The following TMEM74 variants were observed in gnomAD, a reference collection of about 807,000 sequenced individuals.
TMEM74 encodes transmembrane protein 74.
Under a neutral mutation model 18.1 loss-of-function variants are expected in TMEM74, and 13 were observed. That is an observed-to-expected ratio of 0.72 (90% CI 0.47 to 1.14). The LOEUF (loss-of-function observed/expected upper bound fraction) is 1.14. TMEM74 is among the 50% of genes most tolerant of loss of function. The pLI, the probability that TMEM74 is intolerant of heterozygous loss-of-function variation, is 0.00. For missense variants in TMEM74, 372 were observed against 375.9 expected (o/e 0.99, Z 0.09); for synonymous variants, 159 against 146.6 (o/e 1.08, Z -0.61).
intron 1 of TMEM74, among the ~76,000 whole-genome samples, chr8:108,693,238 GGACATTCACATCA>G (rs761756869): frequency 2.0e-4 from 30 of 151,846 alleles, no homozygotes; most frequent in Non-Finnish European, 4.0e-4. Flanking sequence ...TGTAAGACAA[GGACATTCACATCA>G]GATCTTTGGA....
chr8:108,684,221 C>T (rs1813145775), intron 1 of TMEM74, among the ~76,000 whole-genome samples: 3 of 152,076 alleles, frequency 2.0e-5, no homozygotes, highest in African/African-American at 7.2e-5. Flanking sequence ...TTCCCACCAA[C>T]AGTGTAGAGG....
intron 2 of TMEM74, among the ~76,000 whole-genome samples, chr8:108,610,956 C>A (rs1812328259): frequency 6.6e-6 from 1 of 152,136 alleles, no homozygotes; most frequent in South Asian, 2.1e-4. Flanking sequence ...TACATTTGTG[C>A]TGGGGAAATT....
At chr8:108,785,387 G>GCACCTTTCT (rs1814372600) in intron 1 of TMEM74, among the ~76,000 whole-genome samples, 2 of 152,162 alleles carry the variant, frequency 1.3e-5, no homozygotes, top group African/African-American at 4.8e-5. Flanking sequence ...GGAGGAAGTG[G>GCACCTTTCT]CAGTGTCTAC....
At chr8:108,663,333 A>G (rs972974237) in intron 1 of TMEM74, among the ~76,000 whole-genome samples, 3 of 152,198 alleles carry the variant, frequency 2.0e-5, no homozygotes, top group Non-Finnish European at 4.4e-5. Context: ...AAAAGAAGAC[A>G]TTCATGCGGT....
chr8:108,771,284 C>G (rs1814168068), intron 1 of TMEM74, among the ~76,000 whole-genome samples: 1 of 152,148 alleles, frequency 6.6e-6, no homozygotes, highest in Admixed American at 6.6e-5. Context: ...GGTAACAAAA[C>G]TACCTACCTC....
At chr8:108,768,651 T>C (rs1814136936) in intron 1 of TMEM74, among the ~76,000 whole-genome samples, 1 of 152,128 alleles carries the variant, frequency 6.6e-6, no homozygotes, top group Admixed American at 6.6e-5. Flanking sequence ...ATTCCCACCT[T>C]CCTCTGGTAG....
At chr8:108,692,470 C>G (rs1304951105) in intron 1 of TMEM74, among the ~76,000 whole-genome samples, 1 of 152,178 alleles carries the variant, frequency 6.6e-6, no homozygotes, top group Non-Finnish European at 1.5e-5. Context: ...TGGCATTCCT[C>G]TCTTCTTATT....
At chr8:108,707,380 A>T (rs1345315366) in intron 1 of TMEM74, among the ~76,000 whole-genome samples, 1 of 152,132 alleles carries the variant, frequency 6.6e-6, no homozygotes, top group African/African-American at 2.4e-5. Context: ...AATCTTCCAA[A>T]TTACTTGGAT....
chr8:108,781,303 A>G lies in TMEM74; in HGVS notation c.*2878T>C, dbSNP rs1814303946. On this transcript the variant is annotated 3_prime_UTR_variant, in exon 2 of 2. Transcript: ENST00000297459. Reference sequence around the variant, plus strand: ...AGGATGCAAGACCAAAACTATAGGTATTGTATGCCCAATGTCTATAGAATG... The same window carrying G: ...AGGATGCAAGACCAAAACTATAGGTGTTGTATGCCCAATGTCTATAGAATG... Among the ~76,000 whole-genome samples, 1 of 152,222 alleles carries G rather than the reference A, an allele frequency of 6.6e-6. No homozygotes were observed. The highest frequency in any genetic ancestry group is 2.1e-4 in the South Asian group (1 of 4,832).
At position 108,708,077 on chromosome 8, in the gene TMEM74, C is replaced by T. The variant is rs531565517; in HGVS notation, n.120-52640G>A. 5.9e-5 allele frequency among the ~76,000 whole-genome samples: 9 copies of T among 152,220 alleles called. No individual in the cohort carries two copies. In the East Asian group the frequency reaches 1.5e-3, roughly 26 times the overall value. On this transcript the variant is annotated intron_variant and non_coding_transcript_variant, in intron 1 of 3. Coordinates refer to the TMEM74 transcript ENST00000518838. ...ACTGTGTCTGTTCTCTTCTTTGTGT[C>T]CATGAGTACCCAATGTTTAGCTCCC...
intron 1 of TMEM74, among the ~76,000 whole-genome samples, chr8:108,739,645 T>C (rs1813779947): frequency 6.6e-6 from 1 of 152,180 alleles, no homozygotes; most frequent in Non-Finnish European, 1.5e-5. Flanking sequence ...GATTTTCTCA[T>C]AGGATTCCTC....
chr8:108,708,270 A>G (rs1010982970), intron 1 of TMEM74, among the ~76,000 whole-genome samples: 1 of 141,668 alleles, frequency 7.1e-6, no homozygotes, highest in Non-Finnish European at 1.5e-5. Context: ...TTTTTTTTTA[A>G]TCCAGTCTAC....
At chr8:108,732,820 C>A (rs1473674718) in intron 1 of TMEM74, among the ~76,000 whole-genome samples, 1 of 150,970 alleles carries the variant, frequency 6.6e-6, no homozygotes, top group Non-Finnish European at 1.5e-5. Context: ...AAGGCTCACA[C>A]CTAGAATACA....
At chr8:108,689,253 A>G (rs1353723311) in intron 1 of TMEM74, among the ~76,000 whole-genome samples, 1 of 152,218 alleles carries the variant, frequency 6.6e-6, no homozygotes, top group African/African-American at 2.4e-5. Flanking sequence ...AGAAATGCGG[A>G]CAAATACCAA....
intron 2 of TMEM74, among the ~76,000 whole-genome samples, chr8:108,637,269 C>G (rs114690797): frequency 6.6e-6 from 1 of 152,018 alleles, no homozygotes; most frequent in Non-Finnish European, 1.5e-5. Flanking sequence ...TTGTAGCTGA[C>G]AGTTAAGAAA....
In TMEM74 at chr8:108,624,172, C is replaced by A. The variant is rs1037546028; in HGVS notation, n.265-15346G>T. ...GAATTTTGACCTCCTTTTATAGATTCTCTTGCCTTTATTTTAAATATTGTC... is the reference window on the plus strand; with the variant it reads ...GAATTTTGACCTCCTTTTATAGATTATCTTGCCTTTATTTTAAATATTGTC... On this transcript the variant is annotated intron_variant and non_coding_transcript_variant, in intron 2 of 3. Transcript: ENST00000518838. Among the ~76,000 whole-genome samples, 14 of 152,174 alleles carry A rather than the reference C, an allele frequency of 9.2e-5. No homozygotes were observed. The South Asian group carries it at 1.2e-3, about 14-fold the overall frequency.
chr8:108,783,767 T>C lies in TMEM74; in HGVS notation c.*414A>G, dbSNP rs924604756. Reference sequence around the variant, plus strand: ...CTTTGAGAATTAGATGTAAGCCTTATTATTGATTAGTGCTTAGTTCTTTTT... The same window carrying C: ...CTTTGAGAATTAGATGTAAGCCTTACTATTGATTAGTGCTTAGTTCTTTTT... On this transcript the variant is annotated 3_prime_UTR_variant, in exon 2 of 2. Transcript: ENST00000297459. 1 of 153,160 alleles carries C rather than the reference T, an allele frequency of 6.5e-6. No homozygotes were observed. Among genetic ancestry groups the C allele is most frequent in the African/African-American group, 2.4e-5 (1 of 41,504 alleles). The allele number at this position is 153,160 out of a possible 1,614,324, so 9.5% of individuals were successfully genotyped here.
intron 1 of TMEM74, among the ~76,000 whole-genome samples, chr8:108,734,033 T>G (rs1432619854): frequency 6.6e-6 from 1 of 152,318 alleles, no homozygotes; most frequent in South Asian, 2.1e-4. Flanking sequence ...TGGTAAAGCA[T>G]TATTTCTGGG....
intron 2 of TMEM74, among the ~76,000 whole-genome samples, chr8:108,619,893 G>A (rs1812422422): frequency 6.6e-6 from 1 of 152,158 alleles, no homozygotes; most frequent in Non-Finnish European, 1.5e-5. Context: ...AATGTAAAAG[G>A]AGGAGAGTCT....
Sources: gnomAD v4.1 joint callset for allele counts (sites outside exome capture counted in the v4.1 genomes callset) on GRCh38, gnomAD v4.1.1 for gene constraint, MANE v1.5 for transcripts, NCBI Gene and HGNC (gene_info 2026-07-23, HGNC 2026-07-21) for gene names.